GRM3: variants seen among roughly 807,000 people sequenced by gnomAD.
GRM3 encodes glutamate metabotropic receptor 3.
Under a neutral mutation model 70.5 loss-of-function variants are expected in GRM3, and 26 were observed. The ratio of observed to expected loss-of-function variants is 0.37; its 90% CI spans 0.27 to 0.51. GRM3 has a LOEUF of 0.51. Ranked by LOEUF, GRM3 falls within the 20% of genes least tolerant of loss-of-function variation. GRM3 has a pLI of 0.93. For synonymous variants in GRM3, 443 were observed against 434.9 expected (o/e 1.02, Z -0.23); for missense variants, 859 against 1,123.8 (o/e 0.76, Z 3.37).
rs115296755 is a variant in GRM3, at chr7:86,735,901, C to G, written c.-140-29105C>G. 2.3e-3 allele frequency among the ~76,000 whole-genome samples: 352 copies of G among 152,302 alleles called. 3 individuals carry two copies. The highest frequency in any genetic ancestry group is 8.1e-3 in the African/African-American group (338 of 41,558). On this transcript the variant is annotated intron_variant, in intron 1 of 5. Transcript: ENST00000361669. ...TCAAATTGTATGTCTATCCTCAAAG[C>G]ATTAGAGAGAAGCAGCACAGGAATT...
intron 2 of GRM3, among the ~76,000 whole-genome samples, chr7:86,771,670 T>C (rs886112250): frequency 8.5e-5 from 13 of 152,048 alleles, no homozygotes; most frequent in African/African-American, 3.1e-4. Context: ...CTGAGGGATA[T>C]AGAAGCAAAT....
At chr7:86,723,614 T>C (rs574828695) in intron 1 of GRM3, among the ~76,000 whole-genome samples, 28 of 152,276 alleles carry the variant, frequency 1.8e-4, no homozygotes, top group African/African-American at 5.5e-4. Context: ...TGCAGCTCAT[T>C]GTGATGATGT....
chr7:86,687,753 C>T (rs1794600495), intron 1 of GRM3, among the ~76,000 whole-genome samples: 1 of 151,562 alleles, frequency 6.6e-6, no homozygotes, highest in Non-Finnish European at 1.5e-5. Flanking sequence ...TAATGTCTTA[C>T]AGAATTTACA....
intron 1 of GRM3, among the ~76,000 whole-genome samples, chr7:86,688,757 ATC>A (rs974954148): frequency 6.7e-5 from 10 of 148,408 alleles, no homozygotes; most frequent in African/African-American, 2.4e-4. Flanking sequence ...GTATATATAT[ATC>A]TCTCACATAT....
chr7:86,650,857 A>C (rs746119802), intron 1 of GRM3, among the ~76,000 whole-genome samples: 2 of 152,248 alleles, frequency 1.3e-5, no homozygotes, highest in Non-Finnish European at 2.9e-5. Flanking sequence ...TCCCACCAGG[A>C]AAACAAGCTG....
At chr7:86,847,918 A>G (rs575051953) in intron 4 of GRM3, among the ~76,000 whole-genome samples, 100 of 152,328 alleles carry the variant, frequency 6.6e-4, no homozygotes, top group Middle Eastern at 3.4e-3. Flanking sequence ...CTGAATAAAC[A>G]TGGTGCACAA....
At chr7:86,695,418 T>G (rs1794793341) in intron 1 of GRM3, among the ~76,000 whole-genome samples, 1 of 152,178 alleles carries the variant, frequency 6.6e-6, no homozygotes, top group Non-Finnish European at 1.5e-5. Flanking sequence ...TCTGATATAG[T>G]AACACCAATA....
intron 5 of GRM3, among the ~76,000 whole-genome samples, chr7:86,860,936 G>C (rs1216653754): frequency 2.0e-5 from 3 of 152,158 alleles, no homozygotes; most frequent in Non-Finnish European, 4.4e-5. Context: ...TTAAGAGGGG[G>C]TATTTGAATC....
chr7:86,658,533 C>G (rs1214470385), intron 1 of GRM3, among the ~76,000 whole-genome samples: 1 of 152,272 alleles, frequency 6.6e-6, no homozygotes, highest in East Asian at 1.9e-4. Flanking sequence ...TCCCCAAACT[C>G]TCTGTATTTT....
chr7:86,662,890 C>A (rs1227296789), intron 1 of GRM3, among the ~76,000 whole-genome samples: 5 of 150,918 alleles, frequency 3.3e-5, no homozygotes, highest in Non-Finnish European at 7.4e-5. Context: ...TGAACTTCTC[C>A]ATTTAGATTT....
At chr7:86,849,663 G>GAT (rs1309653211) in intron 4 of GRM3, among the ~76,000 whole-genome samples, 1 of 152,126 alleles carries the variant, frequency 6.6e-6, no homozygotes, top group Non-Finnish European at 1.5e-5. Flanking sequence ...GAGAAGACAT[G>GAT]ATAAACCCTG....
Position 86,767,559 on chromosome 7 carries a change from A to G in GRM3, c.468+1946A>G, listed in dbSNP as rs1448119144. Among the ~76,000 whole-genome samples the G allele has an allele frequency of 2.4e-5, 3 of 123,016 alleles. No individual in the cohort carries two copies. In the East Asian group the frequency reaches 7.0e-4, roughly 29 times the overall value. The allele number at this position is 123,016 out of a possible 152,430, so 80.7% of individuals were successfully genotyped here. A position where few individuals can be genotyped will look rare whatever the true frequency, so the allele number is the denominator to read the frequency against. On this transcript the variant is annotated intron_variant, in intron 2 of 5. Transcript: ENST00000361669. ...TATATATATATATATATATATATATAAATGAAGTATGAAACATTTCATATA... is the reference window on the plus strand; with the variant it reads ...TATATATATATATATATATATATATGAATGAAGTATGAAACATTTCATATA...
intron 5 of GRM3, among the ~76,000 whole-genome samples, chr7:86,852,729 C>T (rs766314681): frequency 4.8e-4 from 73 of 152,174 alleles, no homozygotes; most frequent in African/African-American, 1.7e-3. Context: ...GGCATTTTAA[C>T]GTGCATAAGT....
At chr7:86,796,855 A>G (rs773518452) in intron 3 of GRM3, among the ~76,000 whole-genome samples, 1 of 152,164 alleles carries the variant, frequency 6.6e-6, no homozygotes, top group African/African-American at 2.4e-5. Context: ...TGGTAATTGA[A>G]TCATGGGGGC....
chr7:86,835,699 C>T (rs1310488110), intron 3 of GRM3, among the ~76,000 whole-genome samples: 1 of 152,160 alleles, frequency 6.6e-6, no homozygotes, highest in Admixed American at 6.5e-5. Context: ...CAACCTCTGC[C>T]TCCCAGACTT....
At chr7:86,748,658 AAC>A (rs1322980848) in intron 1 of GRM3, among the ~76,000 whole-genome samples, 1 of 152,050 alleles carries the variant, frequency 6.6e-6, no homozygotes, top group African/African-American at 2.4e-5. Context: ...ATATTTTAAA[AAC>A]AAAAATTTAG....
At chr7:86,766,381 TAA>T (rs376927010) in intron 2 of GRM3, among the ~76,000 whole-genome samples, 2 of 144,246 alleles carry the variant, frequency 1.4e-5, no homozygotes, top group Admixed American at 6.9e-5. Flanking sequence ...TTACTACCAT[TAA>T]AAAAAAAAAG....
At chr7:86,688,714 A>G (rs1794623518) in intron 1 of GRM3, among the ~76,000 whole-genome samples, 1 of 149,126 alleles carries the variant, frequency 6.7e-6, no homozygotes, top group South Asian at 2.1e-4. Flanking sequence ...GAAATATGAT[A>G]TATATCTCTT....
At chr7:86,702,188 A>T (rs1444066101) in intron 1 of GRM3, among the ~76,000 whole-genome samples, 1 of 152,072 alleles carries the variant, frequency 6.6e-6, no homozygotes, top group Non-Finnish European at 1.5e-5. Context: ...GTGTGAGGCC[A>T]TACAACAGAA....
Sources: gnomAD v4.1 joint callset for allele counts (sites outside exome capture counted in the v4.1 genomes callset) on GRCh38, gnomAD v4.1.1 for gene constraint, MANE v1.5 for transcripts, NCBI Gene and HGNC (gene_info 2026-07-23, HGNC 2026-07-21) for gene names.